The following SHISA9 variants were observed in gnomAD, a reference collection of about 807,000 sequenced individuals.
SHISA9 encodes shisa family member 9.
Under a neutral mutation model 38.0 loss-of-function variants are expected in SHISA9, and 13 were observed. The observed-to-expected ratio is 0.34, with a 90% CI of 0.22 to 0.54. The LOEUF is 0.54. Ranked by LOEUF, SHISA9 falls within the 20% of genes least tolerant of loss-of-function variation. The pLI is 0.91. For synonymous variants in SHISA9, 275 were observed against 242.0 expected (o/e 1.14, Z -1.27); for missense variants, 538 against 575.8 (o/e 0.93, Z 0.67).
the SHISA9 span, among the ~76,000 whole-genome samples, chr16:13,536,516 G>A: frequency 2.0e-5 from 3 of 152,216 alleles, no homozygotes; most frequent in South Asian, 2.1e-4. Context: ...AAGAACAAAC[G>A]AATAAGCCCT....
intron 2 of SHISA9, among the ~76,000 whole-genome samples, chr16:12,987,866 C>T (rs879846812): frequency 3.3e-5 from 5 of 152,140 alleles, no homozygotes; most frequent in East Asian, 1.9e-4. Flanking sequence ...CTTGTAGAGG[C>T]GGCAATGGAG....
At chr16:13,437,678 C>A in the SHISA9 span, among the ~76,000 whole-genome samples, 2 of 152,108 alleles carry the variant, frequency 1.3e-5, no homozygotes, top group African/African-American at 2.4e-5. Context: ...CCACTGAATT[C>A]TGGGGGCCCA....
chr16:13,480,389 T>G, the SHISA9 span, among the ~76,000 whole-genome samples: 3 of 152,158 alleles, frequency 2.0e-5, no homozygotes, highest in Admixed American at 6.5e-5. Context: ...TCGGTCACTC[T>G]TGGCCTCTCT....
At chr16:13,419,458 A>C in the SHISA9 span, among the ~76,000 whole-genome samples, 1 of 152,268 alleles carries the variant, frequency 6.6e-6, no homozygotes, top group Non-Finnish European at 1.5e-5. Flanking sequence ...TAAATAAAAC[A>C]ACTCATAAGA....
chr16:13,344,967 C>A, the SHISA9 span, among the ~76,000 whole-genome samples: 1 of 152,122 alleles, frequency 6.6e-6, no homozygotes, highest in African/African-American at 2.4e-5. Flanking sequence ...CAAGGGCCTG[C>A]AACATTCCCC....
intron 2 of SHISA9, among the ~76,000 whole-genome samples, chr16:13,051,740 G>T (rs1289836419): frequency 6.6e-6 from 1 of 151,636 alleles, no homozygotes; most frequent in Non-Finnish European, 1.5e-5. Context: ...TTACTCCCCT[G>T]TACAGTTCTT....
At chr16:13,229,792 G>A (rs1014510702) in intron 4 of SHISA9, among the ~76,000 whole-genome samples, 2 of 152,132 alleles carry the variant, frequency 1.3e-5, no homozygotes, top group African/African-American at 4.8e-5. Context: ...AGAGAGCAGG[G>A]GTGGCTGAGA....
the SHISA9 span, among the ~76,000 whole-genome samples, chr16:13,292,025 C>G: frequency 6.6e-6 from 1 of 151,656 alleles, no homozygotes; most frequent in South Asian, 2.1e-4. Context: ...TATATTTTTC[C>G]TCTTTTTTTT....
the SHISA9 span, among the ~76,000 whole-genome samples, chr16:13,314,008 G>C: frequency 6.6e-6 from 1 of 151,962 alleles, no homozygotes; most frequent in South Asian, 2.1e-4. Context: ...GTCAGAGGTC[G>C]TGGGATTTTG....
the SHISA9 span, among the ~76,000 whole-genome samples, chr16:13,506,268 A>T: frequency 6.6e-6 from 1 of 152,178 alleles, no homozygotes; most frequent in African/African-American, 2.4e-5. Context: ...GCCACATGCC[A>T]GGCACAGTTC....
chr16:12,932,314 A>T (rs2071472049), intron 2 of SHISA9, among the ~76,000 whole-genome samples: 1 of 152,126 alleles, frequency 6.6e-6, no homozygotes, highest in Non-Finnish European at 1.5e-5. Context: ...AATTTACTTC[A>T]CAACTCTGCA....
At chr16:13,496,117 G>A in the SHISA9 span, among the ~76,000 whole-genome samples, 1 of 152,092 alleles carries the variant, frequency 6.6e-6, no homozygotes, top group Non-Finnish European at 1.5e-5. Flanking sequence ...ACATGATAAG[G>A]TTTCAGCATT....
the SHISA9 span, chr16:13,562,666 G>A: frequency 6.8e-6 from 1 of 146,738 alleles, no homozygotes; most frequent in Non-Finnish European, 1.5e-5. Context: ...TTCCTTATAT[G>A]AAATTCCAAT....
the SHISA9 span, among the ~76,000 whole-genome samples, chr16:13,477,570 A>C: frequency 1.3e-5 from 2 of 152,222 alleles, no homozygotes; most frequent in Non-Finnish European, 2.9e-5. Context: ...AAGTCATTTC[A>C]AAGCCTCTTT....
chr16:13,064,851 A>G (rs2073416398), intron 2 of SHISA9, among the ~76,000 whole-genome samples: 1 of 151,578 alleles, frequency 6.6e-6, no homozygotes, highest in African/African-American at 2.4e-5. Context: ...CCAGAGTGGG[A>G]TATAAACCAA....
intron 2 of SHISA9, among the ~76,000 whole-genome samples, chr16:12,960,631 C>G (rs1331193838): frequency 6.6e-6 from 1 of 152,220 alleles, no homozygotes; most frequent in Non-Finnish European, 1.5e-5. Flanking sequence ...ATGGACGGAG[C>G]TGGAAGTCAT....
chr16:13,515,871 G>A, the SHISA9 span, among the ~76,000 whole-genome samples: 3 of 152,286 alleles, frequency 2.0e-5, no homozygotes, highest in South Asian at 6.2e-4. Flanking sequence ...AATATACTGA[G>A]AGATTGTCAA....
intron 2 of SHISA9, among the ~76,000 whole-genome samples, chr16:12,987,113 A>G (rs890473163): frequency 6.6e-6 from 1 of 152,152 alleles, no homozygotes; most frequent in Non-Finnish European, 1.5e-5. Flanking sequence ...TTGTGGTCAG[A>G]GTGTTGTGTT....
At chr16:13,546,449 A>C in the SHISA9 span, among the ~76,000 whole-genome samples, 1 of 152,220 alleles carries the variant, frequency 6.6e-6, no homozygotes, top group Non-Finnish European at 1.5e-5. Context: ...GAAAGAATTT[A>C]TCTCTCATAT....
Sources: gnomAD v4.1 joint callset for allele counts (sites outside exome capture counted in the v4.1 genomes callset) on GRCh38, gnomAD v4.1.1 for gene constraint, MANE v1.5 for transcripts, NCBI Gene and HGNC (gene_info 2026-07-23, HGNC 2026-07-21) for gene names.